ZC3H12B: variants seen among roughly 807,000 people sequenced by gnomAD.
The protein encoded by ZC3H12B is probable ribonuclease ZC3H12B.
In ZC3H12B, 7 loss-of-function variants were observed where a neutral mutation model predicts 43.9. The observed-to-expected ratio is 0.16, with a 90% CI of 0.09 to 0.30. The LOEUF is 0.30. Ranked by LOEUF, ZC3H12B falls within the 10% of genes least tolerant of loss-of-function variation. The pLI is 1.00. For missense variants in ZC3H12B, 475 were observed against 670.2 expected (o/e 0.71, Z 3.22); for synonymous variants, 222 against 241.7 (o/e 0.92, Z 0.76).
At chrX:65,455,169 A>C (rs903702058) in intron 3 of ZC3H12B, among the ~76,000 whole-genome samples, 2 of 112,448 alleles carry the variant, frequency 1.8e-5, no homozygotes, top group Non-Finnish European at 3.7e-5. Context: ...TCAGAAGATC[A>C]AACTACTCTG....
At chrX:65,149,780 A>G in the ZC3H12B span, among the ~76,000 whole-genome samples, 1 of 88,318 alleles carries the variant, frequency 1.1e-5, no homozygotes, top group African/African-American at 6.4e-5. Context: ...TAATAATAAT[A>G]ATAATAATAA....
chrX:65,153,895 C>T, the ZC3H12B span, among the ~76,000 whole-genome samples: 8 of 110,801 alleles, frequency 7.2e-5, no homozygotes, highest in Non-Finnish European at 1.1e-4. Flanking sequence ...GAATACTATG[C>T]AGCCATAAAA....
At chrX:65,230,110 C>G in the ZC3H12B span, among the ~76,000 whole-genome samples, 2 of 110,884 alleles carry the variant, frequency 1.8e-5, no homozygotes, top group Non-Finnish European at 3.8e-5. Flanking sequence ...GCACTATTCA[C>G]AATAGCAAAG....
the ZC3H12B span, among the ~76,000 whole-genome samples, chrX:65,166,379 G>C: frequency 1.8e-5 from 2 of 111,287 alleles, no homozygotes; most frequent in African/African-American, 3.3e-5. Flanking sequence ...TGAACTCATC[G>C]TTTTTTATGG....
At chrX:65,143,867 C>A in the ZC3H12B span, among the ~76,000 whole-genome samples, 1 of 110,770 alleles carries the variant, frequency 9.0e-6, no homozygotes, top group Non-Finnish European at 1.9e-5. Flanking sequence ...CTGGACCTGG[C>A]CTTGAGTTAC....
the ZC3H12B span, among the ~76,000 whole-genome samples, chrX:65,220,653 A>G: frequency 8.9e-6 from 1 of 112,133 alleles, no homozygotes; most frequent in East Asian, 2.8e-4. Context: ...AAACTATCAC[A>G]ATCCTAAATA....
At chrX:65,437,683 A>G (rs1171900847) in intron 3 of ZC3H12B, among the ~76,000 whole-genome samples, 1 of 110,767 alleles carries the variant, frequency 9.0e-6, no homozygotes, top group African/African-American at 3.3e-5. Context: ...ATTTTCTCTC[A>G]TTCTATGGGT....
chrX:65,366,365 G>T (rs193158241), upstream of ZC3H12B, among the ~76,000 whole-genome samples: 1 of 111,461 alleles, frequency 9.0e-6, no homozygotes, highest in African/African-American at 3.3e-5. Flanking sequence ...CCTTTAACTT[G>T]CTTATGAATT....
chrX:65,195,970 T>G, the ZC3H12B span, among the ~76,000 whole-genome samples: 1 of 112,017 alleles, frequency 8.9e-6, no homozygotes, highest in Non-Finnish European at 1.9e-5. Flanking sequence ...GCCTCACTTT[T>G]TGATGAGGGC....
the ZC3H12B span, among the ~76,000 whole-genome samples, chrX:65,265,294 G>A: frequency 1.8e-5 from 2 of 111,823 alleles, no homozygotes; most frequent in Non-Finnish European, 3.8e-5. Context: ...ATGAAATAAC[G>A]AATATCTGAT....
At chrX:65,488,680 G>T (rs1253538925), upstream of ZC3H12B, 3 of 901,641 alleles carry the variant, frequency 3.3e-6, no homozygotes, top group African/African-American at 4.1e-5. Context: ...AAACCACACA[G>T]TCAAACTCTT....
chrX:65,326,023 C>T, the ZC3H12B span, among the ~76,000 whole-genome samples: 1 of 111,362 alleles, frequency 9.0e-6, no homozygotes, highest in Non-Finnish European at 1.9e-5. Context: ...AAAATTTGAC[C>T]CTTGTCTGAC....
At chrX:65,182,316 C>G in the ZC3H12B span, among the ~76,000 whole-genome samples, 1 of 110,779 alleles carries the variant, frequency 9.0e-6, no homozygotes, top group Non-Finnish European at 1.9e-5. Flanking sequence ...GGCTTAAAAC[C>G]TAGATGATGG....
the ZC3H12B span, among the ~76,000 whole-genome samples, chrX:65,340,969 C>A: frequency 8.9e-6 from 1 of 111,752 alleles, no homozygotes; most frequent in Non-Finnish European, 1.9e-5. Flanking sequence ...AATAAAATGG[C>A]CCAGGAGCTT....
the ZC3H12B span, among the ~76,000 whole-genome samples, chrX:65,134,389 TC>T: frequency 9.0e-6 from 1 of 111,642 alleles, no homozygotes; most frequent in East Asian, 2.8e-4. Flanking sequence ...CAGAACACTG[TC>T]TTCCCTAGTC....
At chrX:65,169,588 T>A in the ZC3H12B span, among the ~76,000 whole-genome samples, 1 of 111,701 alleles carries the variant, frequency 9.0e-6, no homozygotes, top group Non-Finnish European at 1.9e-5. Flanking sequence ...CTGGATATCC[T>A]TTTTAACTTT....
chrX:65,130,921 A>T, the ZC3H12B span, among the ~76,000 whole-genome samples: 1 of 111,865 alleles, frequency 8.9e-6, no homozygotes, highest in Non-Finnish European at 1.9e-5. Flanking sequence ...ATGCCTTTTG[A>T]TGGCCCTTGC....
chrX:65,473,240 T>C (rs994061251), intron 3 of ZC3H12B, among the ~76,000 whole-genome samples: 1 of 109,055 alleles, frequency 9.2e-6, no homozygotes, highest in African/African-American at 3.3e-5. Flanking sequence ...GGTCTTGAAC[T>C]TCTGACCTCA....
At chrX:65,154,153 C>T in the ZC3H12B span, among the ~76,000 whole-genome samples, 3 of 111,214 alleles carry the variant, frequency 2.7e-5, 1 homozygote, top group Non-Finnish European at 5.7e-5. Flanking sequence ...ATGGGTTCAG[C>T]ACACCAACAT....
Sources: gnomAD v4.1 joint callset for allele counts (sites outside exome capture counted in the v4.1 genomes callset) on GRCh38, gnomAD v4.1.1 for gene constraint, MANE v1.5 for transcripts, NCBI Gene and HGNC (gene_info 2026-07-23, HGNC 2026-07-21) for gene names.